Variants in SMYD3 observed in about 807,000 individuals in gnomAD.
The protein encoded by SMYD3 is SET and MYND domain containing 3.
A neutral mutation model predicts 57.7 loss-of-function variants in SMYD3; 36 were observed. That is an observed-to-expected ratio of 0.62 (90% CI 0.48 to 0.82). The LOEUF (loss-of-function observed/expected upper bound fraction) is 0.82, where lower values mean the gene tolerates loss of function less well. SMYD3 is among the 40% of genes least tolerant of loss of function. The probability of loss-of-function intolerance (pLI) is 0.00; values close to 1 mark genes in which losing one functional copy is unlikely to be tolerated. For synonymous variants in SMYD3, 211 were observed against 195.0 expected, an observed-to-expected ratio of 1.08 and a Z score of -0.68; for missense variants, 515 against 538.8, an observed-to-expected ratio of 0.96 and a Z score of 0.44.
intron 5 of SMYD3, among the ~76,000 whole-genome samples, chr1:246,076,323 A>G (rs2060546080): frequency 6.6e-6 from 1 of 152,234 alleles, no homozygotes; most frequent in South Asian, 2.1e-4. Flanking sequence ...TTCATTTCCT[A>G]TATATAGTTA....
chr1:246,200,248 T>G (rs1162729427), intron 5 of SMYD3, among the ~76,000 whole-genome samples: 1 of 151,544 alleles, frequency 6.6e-6, no homozygotes, highest in Non-Finnish European at 1.5e-5. Flanking sequence ...ATGCCCACTG[T>G]AATAGAGTAG....
chr1:246,453,145 A>T (rs2067654735), intron 1 of SMYD3, among the ~76,000 whole-genome samples: 1 of 152,240 alleles, frequency 6.6e-6, no homozygotes, highest in Admixed American at 6.5e-5. Context: ...CATTTTACAG[A>T]GGGAGAGAGC....
chr1:246,110,765 C>T (rs539575794), intron 5 of SMYD3, among the ~76,000 whole-genome samples: 30 of 152,324 alleles, frequency 2.0e-4, no homozygotes, highest in African/African-American at 2.9e-4. Flanking sequence ...TGGAGTTGCG[C>T]GCCTGCGCTA....
chr1:246,310,357 C>T (rs535733951), intron 5 of SMYD3, among the ~76,000 whole-genome samples: 32 of 152,304 alleles, frequency 2.1e-4, no homozygotes, highest in African/African-American at 7.0e-4. Context: ...GCCATTCAAT[C>T]CTGATGGACT....
chr1:245,804,952 T>G (rs1370032733), intron 10 of SMYD3, among the ~76,000 whole-genome samples: 3 of 152,172 alleles, frequency 2.0e-5, no homozygotes, highest in Non-Finnish European at 4.4e-5. Context: ...ACACAAAAGC[T>G]TATGATGCTG....
intron 5 of SMYD3, chr1:245,988,697 C>T (rs2058752316): frequency 6.6e-6 from 1 of 152,312 alleles, no homozygotes. Flanking sequence ...CCCCTTGCCA[C>T]AGCCATAGGC....
At chr1:246,063,843 T>C (rs2060296291) in intron 5 of SMYD3, among the ~76,000 whole-genome samples, 1 of 152,118 alleles carries the variant, frequency 6.6e-6, no homozygotes, top group African/African-American at 2.4e-5. Context: ...TTTTGCTATG[T>C]TCCCTACGCC....
intron 5 of SMYD3, among the ~76,000 whole-genome samples, chr1:246,255,283 T>C (rs1211348787): frequency 6.6e-6 from 1 of 151,300 alleles, no homozygotes; most frequent in Non-Finnish European, 1.5e-5. Context: ...ATGGATCTTA[T>C]TATTTTGATG....
At chr1:245,830,338 G>A (rs73136772) in intron 10 of SMYD3, among the ~76,000 whole-genome samples, 5,576 of 152,238 alleles carry the variant, frequency 0.037, 332 homozygotes, top group African/African-American at 0.13. Context: ...CCTACATGGC[G>A]GCAGGCAAGG....
intron 10 of SMYD3, among the ~76,000 whole-genome samples, chr1:245,816,200 C>G (rs1009558042): frequency 6.6e-6 from 1 of 152,096 alleles, no homozygotes; most frequent in Middle Eastern, 3.2e-3. Context: ...AATTTTCTCC[C>G]AATGGATTAC....
At chr1:246,023,646 T>C (rs6426262) in intron 5 of SMYD3, among the ~76,000 whole-genome samples, 1 of 151,968 alleles carries the variant, frequency 6.6e-6, no homozygotes, top group Admixed American at 6.6e-5. Flanking sequence ...ATGAAGCTCT[T>C]GCTTTCCACT....
chr1:246,176,764 C>A (rs2062442004), intron 5 of SMYD3, among the ~76,000 whole-genome samples: 1 of 152,190 alleles, frequency 6.6e-6, no homozygotes, highest in Non-Finnish European at 1.5e-5. Flanking sequence ...CTCAAGCAAC[C>A]TGCTCACCTC....
intron 6 of SMYD3, 144 bp downstream of exon 6, chr1:245,929,726 A>AT (rs2056604605): frequency 2.3e-5 from 15 of 646,140 alleles, no homozygotes; most frequent in South Asian, 5.4e-5. Flanking sequence ...AACATTTTCC[A>AT]TTTTTTTGTA....
chr1:246,240,284 G>A (rs2063585290), intron 5 of SMYD3, among the ~76,000 whole-genome samples: 1 of 152,156 alleles, frequency 6.6e-6, no homozygotes, highest in African/African-American at 2.4e-5. Context: ...GTAAGGAAAG[G>A]ATCCAGTTTT....
At chr1:245,825,348 T>C (rs1283366412) in intron 10 of SMYD3, among the ~76,000 whole-genome samples, 1 of 152,190 alleles carries the variant, frequency 6.6e-6, no homozygotes, top group Non-Finnish European at 1.5e-5. Context: ...CCCTCTTCAG[T>C]TGTTCCTGAG....
intron 5 of SMYD3, among the ~76,000 whole-genome samples, chr1:246,141,464 C>G (rs887859634): frequency 9.4e-6 from 1 of 106,262 alleles, no homozygotes; most frequent in African/African-American, 2.6e-5. Flanking sequence ...GTCTTAAGCA[C>G]ACCTTGACAG....
At chr1:246,326,718 C>A in intron 5 of SMYD3, 1 of 279,594 alleles carries the variant, frequency 3.6e-6, no homozygotes. Context: ...GAGCCGAGAT[C>A]GCACCACTAC....
chr1:246,103,632 C>G (rs2061060536), intron 5 of SMYD3, among the ~76,000 whole-genome samples: 1 of 152,188 alleles, frequency 6.6e-6, no homozygotes, highest in African/African-American at 2.4e-5. Flanking sequence ...AATCTCTCCC[C>G]TTCTAGTCTC....
At chr1:245,795,777 G>C (rs1157534972) in intron 10 of SMYD3, among the ~76,000 whole-genome samples, 1 of 152,124 alleles carries the variant, frequency 6.6e-6, no homozygotes, top group Non-Finnish European at 1.5e-5. Flanking sequence ...TGAAGAGAAA[G>C]AGCCAAGCAC....
Sources: allele counts gnomAD v4.1 joint callset (sites outside exome capture counted in the v4.1 genomes callset), GRCh38; gene constraint gnomAD v4.1.1; transcripts MANE v1.5; gene names NCBI Gene and HGNC (gene_info 2026-07-23, HGNC 2026-07-21).